The following RNGTT variants were observed in gnomAD, a reference collection of about 807,000 sequenced individuals.
RNGTT encodes mRNA-capping enzyme.
Under a neutral mutation model 79.3 loss-of-function variants are expected in RNGTT, and 33 were observed. The observed-to-expected ratio is 0.42, with a 90% CI of 0.32 to 0.56. The LOEUF is 0.56. Among genes scored for constraint, RNGTT ranks in the 20% least tolerant of loss-of-function variants. The probability of loss-of-function intolerance (pLI) is 0.17; values close to 1 mark genes in which losing one functional copy is unlikely to be tolerated. For missense variants in RNGTT, 497 were observed against 739.1 expected (o/e 0.67, Z 3.80); for synonymous variants, 222 against 235.9 (o/e 0.94, Z 0.54).
intron 8 of RNGTT, among the ~76,000 whole-genome samples, chr6:88,868,366 C>G (rs188021438): frequency 6.6e-6 from 1 of 152,168 alleles, no homozygotes; most frequent in African/African-American, 2.4e-5. Flanking sequence ...TGACATGCTT[C>G]AAAATATAAA....
intron 8 of RNGTT, among the ~76,000 whole-genome samples, chr6:88,874,134 G>T (rs1337877806): frequency 2.0e-5 from 3 of 152,024 alleles, no homozygotes; most frequent in Non-Finnish European, 1.5e-5. Context: ...AAAATCAAAT[G>T]ATATACTCAT....
chr6:88,814,236 C>T (rs1454454806), intron 11 of RNGTT, among the ~76,000 whole-genome samples: 2 of 152,070 alleles, frequency 1.3e-5, no homozygotes, highest in East Asian at 3.8e-4. Context: ...CCTTTATTAC[C>T]TATATATATC....
intron 1 of RNGTT, among the ~76,000 whole-genome samples, chr6:88,959,125 C>T (rs1181869524): frequency 1.3e-5 from 2 of 151,824 alleles, no homozygotes; most frequent in Non-Finnish European, 2.9e-5. Flanking sequence ...CCCAAATATC[C>T]TGTGTTCTCA....
chr6:88,689,594 CAA>C (rs71554788), intron 13 of RNGTT, among the ~76,000 whole-genome samples: 18 of 97,390 alleles, frequency 1.8e-4, no homozygotes, highest in Non-Finnish European at 1.6e-4. Flanking sequence ...GACTCTGTCT[CAA>C]AAAAAAAAAA....
At chr6:88,763,708 C>T (rs1457503325) in intron 13 of RNGTT, among the ~76,000 whole-genome samples, 2 of 152,104 alleles carry the variant, frequency 1.3e-5, no homozygotes, top group East Asian at 1.9e-4. Context: ...ATAAAACCCA[C>T]AAAAATTAAG....
At chr6:88,783,995 A>G (rs1391609362) in intron 12 of RNGTT, among the ~76,000 whole-genome samples, 1 of 152,122 alleles carries the variant, frequency 6.6e-6, no homozygotes, top group African/African-American at 2.4e-5. Context: ...TGGGGGTTTC[A>G]GACAAATAAT....
At chr6:88,741,259 G>A (rs1464525247) in intron 13 of RNGTT, among the ~76,000 whole-genome samples, 4 of 152,058 alleles carry the variant, frequency 2.6e-5, no homozygotes, top group Non-Finnish European at 2.9e-5. Context: ...GGAATACTAC[G>A]CAGCCATAAA....
chr6:88,708,513 G>A (rs935640170), intron 13 of RNGTT, among the ~76,000 whole-genome samples: 4 of 152,012 alleles, frequency 2.6e-5, no homozygotes, highest in African/African-American at 9.7e-5. Flanking sequence ...CCTAATGCCA[G>A]ATCTCAGCTT....
intron 8 of RNGTT, among the ~76,000 whole-genome samples, chr6:88,876,885 T>C (rs1782535753): frequency 6.6e-6 from 1 of 152,222 alleles, no homozygotes; most frequent in Non-Finnish European, 1.5e-5. Context: ...AAGAGTTCTC[T>C]AGCAGATTTT....
chr6:88,886,078 G>A (rs925542323), intron 8 of RNGTT, among the ~76,000 whole-genome samples: 3 of 152,206 alleles, frequency 2.0e-5, no homozygotes, highest in African/African-American at 7.2e-5. Flanking sequence ...GGCCGAGGCA[G>A]GCGGATCACG....
rs1320925524 is a variant in RNGTT at position 88,930,079 on chromosome 6, T to TACATGTATATGCATATGTATACATAC, written c.175-813_175-812insGTATGTATACATATGCATATACATGT. On this transcript the variant is annotated intron_variant, in intron 2 of 15. Coordinates refer to ENST00000369485, the MANE Select transcript of RNGTT (RefSeq NM_003800.5). ...ACATGTATATGCATATGTATACATA[T>TACATGTATATGCATATGTATACATAC]ACATATATACATATACGTATATACA... Among the ~76,000 whole-genome samples, 649 of 146,206 alleles carry TACATGTATATGCATATGTATACATAC rather than the reference T, an allele frequency of 4.4e-3. 10 individuals carry two copies. The highest frequency in any genetic ancestry group is 0.016 in the African/African-American group (623 of 38,878).
intron 12 of RNGTT, among the ~76,000 whole-genome samples, chr6:88,770,377 AC>A (rs1778611468): frequency 6.6e-6 from 1 of 152,204 alleles, no homozygotes; most frequent in Non-Finnish European, 1.5e-5. Flanking sequence ...CTACAGTTGT[AC>A]CTTTTCTAGC....
chr6:88,785,704 A>C (rs1230323158), intron 12 of RNGTT, among the ~76,000 whole-genome samples: 2 of 152,190 alleles, frequency 1.3e-5, no homozygotes, highest in Non-Finnish European at 2.9e-5. Context: ...CCATGGTAAC[A>C]TCCTTGCTAC....
rs781446943 is a variant in RNGTT at position 88,929,155 on chromosome 6, A to G, written c.278+9T>C. The stretch of plus-strand genomic sequence containing the variant: ...TTTCAATATTAAAGAATCTTAATAT[A>G]TAACTTACCCTTTACACTGAAGTTT... On this transcript the variant is annotated intron_variant, in intron 3 of 15. Coordinates refer to ENST00000369485, the MANE Select transcript of RNGTT (RefSeq NM_003800.5). 1.6e-5 allele frequency: 26 copies of G among 1,577,128 alleles called. No homozygotes were observed. The highest frequency in any genetic ancestry group is 2.2e-5 in the East Asian group (1 of 44,666).
chr6:88,669,316 G>A (rs1774539424), intron 14 of RNGTT, among the ~76,000 whole-genome samples: 1 of 152,234 alleles, frequency 6.6e-6, no homozygotes, highest in Non-Finnish European at 1.5e-5. Context: ...TTCCTGTTAT[G>A]TATGCAGGGG....
chr6:88,697,874 A>G (rs1775734714), intron 13 of RNGTT, among the ~76,000 whole-genome samples: 6 of 120,498 alleles, frequency 5.0e-5, no homozygotes, highest in Admixed American at 4.8e-4. Context: ...CTGTCTTGGA[A>G]AAAAATATAT....
chr6:88,854,354 G>A (rs1781773843), intron 8 of RNGTT, among the ~76,000 whole-genome samples: 2 of 152,106 alleles, frequency 1.3e-5, no homozygotes, highest in Admixed American at 6.5e-5. Context: ...TCCTAACAGA[G>A]AATGGTTCTC....
At chr6:88,866,727 GAA>G (rs1260535950) in intron 8 of RNGTT, among the ~76,000 whole-genome samples, 1 of 152,136 alleles carries the variant, frequency 6.6e-6, no homozygotes, top group Non-Finnish European at 1.5e-5. Flanking sequence ...GGATGGAAGA[GAA>G]AATCTTAAGA....
At chr6:88,745,980 C>G (rs1777646930) in intron 13 of RNGTT, among the ~76,000 whole-genome samples, 1 of 152,128 alleles carries the variant, frequency 6.6e-6, no homozygotes, top group South Asian at 2.1e-4. Context: ...CCAGCAGGTA[C>G]AAATGTCAGG....
Sources: allele counts gnomAD v4.1 joint callset (sites outside exome capture counted in the v4.1 genomes callset), GRCh38; gene constraint gnomAD v4.1.1; transcripts MANE v1.5; gene names NCBI Gene and HGNC (gene_info 2026-07-23, HGNC 2026-07-21).